KALRN: variants seen among roughly 807,000 people sequenced by gnomAD.
KALRN encodes kalirin RhoGEF kinase.
Under a neutral mutation model 353.7 loss-of-function variants are expected in KALRN, and 70 were observed. That is an observed-to-expected ratio of 0.20 (90% CI 0.16 to 0.24). KALRN has a LOEUF of 0.24. KALRN is among the 10% of genes least tolerant of loss of function. The probability of loss-of-function intolerance (pLI) is 1.00; values close to 1 mark genes in which losing one functional copy is unlikely to be tolerated. For missense variants in KALRN, 2,791 were observed against 3,756.7 expected (o/e 0.74, Z 6.72); for synonymous variants, 1,391 against 1,434.8 (o/e 0.97, Z 0.69).
intron 21 of KALRN, among the ~76,000 whole-genome samples, chr3:124,454,635 C>G (rs1485031308): frequency 6.6e-6 from 1 of 151,338 alleles, no homozygotes; most frequent in African/African-American, 2.4e-5. Flanking sequence ...CTACAGGTGT[C>G]GCATCCGTGG....
intron 15 of KALRN, among the ~76,000 whole-genome samples, chr3:124,425,959 C>A (rs2092996533): frequency 6.6e-6 from 1 of 152,076 alleles, no homozygotes; most frequent in African/African-American, 2.4e-5. Context: ...TGGGAAGATT[C>A]CTTATTTCTA....
intron 12 of KALRN, among the ~76,000 whole-genome samples, chr3:124,398,300 G>T (rs139566719): frequency 1.3e-5 from 2 of 152,126 alleles, no homozygotes; most frequent in Non-Finnish European, 2.9e-5. Flanking sequence ...TTGTCTGTAC[G>T]TATTGTGATA....
chr3:124,253,341 T>C (rs1373305595), intron 3 of KALRN, among the ~76,000 whole-genome samples: 3 of 152,232 alleles, frequency 2.0e-5, no homozygotes, highest in Non-Finnish European at 2.9e-5. Context: ...GTTTATGTAA[T>C]GATTTAGGGT....
chr3:124,278,661 C>A (rs1204733307), intron 5 of KALRN, among the ~76,000 whole-genome samples: 1 of 151,998 alleles, frequency 6.6e-6, no homozygotes, highest in Non-Finnish European at 1.5e-5. Context: ...AAAGTAAAAC[C>A]AATTTTACTT....
intron 1 of KALRN, among the ~76,000 whole-genome samples, chr3:124,036,631 G>C (rs1313488197): frequency 6.6e-6 from 1 of 152,046 alleles, no homozygotes; most frequent in Non-Finnish European, 1.5e-5. Flanking sequence ...ATACCTGATA[G>C]GCTGGATAGA....
intron 34 of KALRN, among the ~76,000 whole-genome samples, chr3:124,617,163 C>A (rs2078703924): frequency 6.6e-6 from 1 of 151,832 alleles, no homozygotes; most frequent in African/African-American, 2.4e-5. Flanking sequence ...GAAACCCTGT[C>A]TCTACAAAAA....
At chr3:124,303,618 A>T (rs2077439227) in intron 6 of KALRN, among the ~76,000 whole-genome samples, 1 of 152,214 alleles carries the variant, frequency 6.6e-6, no homozygotes, top group South Asian at 2.1e-4. Context: ...AATTTTAATT[A>T]GCTGGTTCTT....
intron 1 of KALRN, among the ~76,000 whole-genome samples, chr3:124,104,521 G>T (rs967058487): frequency 6.6e-6 from 1 of 152,210 alleles, no homozygotes; most frequent in African/African-American, 2.4e-5. Flanking sequence ...TAAGAGTTAA[G>T]GTTGGAGGGA....
At chr3:124,089,880 AC>A (rs1480455781) in intron 1 of KALRN, among the ~76,000 whole-genome samples, 1 of 152,118 alleles carries the variant, frequency 6.6e-6, no homozygotes, top group Non-Finnish European at 1.5e-5. Flanking sequence ...ACCACTGCTT[AC>A]CTAAGGCCTG....
At chr3:124,524,284 G>A (rs917283739) in intron 33 of KALRN, among the ~76,000 whole-genome samples, 5 of 152,134 alleles carry the variant, frequency 3.3e-5, no homozygotes, top group African/African-American at 1.2e-4. Context: ...ATACACCTGG[G>A]GAAGAGAAAA....
intron 56 of KALRN, among the ~76,000 whole-genome samples, chr3:124,700,379 T>C (rs201476422): frequency 6.6e-6 from 1 of 152,090 alleles, no homozygotes; most frequent in East Asian, 1.9e-4. Context: ...CAGCCGTAAA[T>C]GTACCTCCCT....
intron 29 of KALRN, 63 bp from the exon 30 acceptor site, chr3:124,490,631 G>T: frequency 6.7e-7 from 1 of 1,498,804 alleles, no homozygotes; most frequent in East Asian, 2.3e-5. Flanking sequence ...GAGGGGGGTG[G>T]AACATGGCCC....
chr3:124,624,768 A>G lies in KALRN; in HGVS notation c.5183-7652A>G, dbSNP rs2079741066. On this transcript the variant is annotated intron_variant, in intron 34 of 59. Transcript: ENST00000682506. ...AACTTCCAAATGGTGAGGGAGGGGG[A>G]AAATTGCCTGATAGCCAAAGGATGA... is the stretch of plus-strand genomic sequence containing the variant. 2.6e-5 allele frequency among the ~76,000 whole-genome samples: 4 copies of G among 152,316 alleles called. No homozygotes were observed. The South Asian group carries it at 6.2e-4, about 24-fold the overall frequency.
At chr3:124,502,265 G>T (rs1310195719) in intron 33 of KALRN, among the ~76,000 whole-genome samples, 2 of 152,220 alleles carry the variant, frequency 1.3e-5, no homozygotes, top group African/African-American at 4.8e-5. Context: ...CCTACGGGGG[G>T]AAAGAGGGAA....
chr3:124,563,741 T>G (rs555087216), intron 34 of KALRN, among the ~76,000 whole-genome samples: 1 of 152,198 alleles, frequency 6.6e-6, no homozygotes, highest in Non-Finnish European at 1.5e-5. Flanking sequence ...ACAGTGTTTC[T>G]TTAGGGGTGG....
At chr3:124,550,269 G>A (rs1561270732) in intron 33 of KALRN, among the ~76,000 whole-genome samples, 1 of 152,164 alleles carries the variant, frequency 6.6e-6, no homozygotes, top group African/African-American at 2.4e-5. Flanking sequence ...GTTCATCTGG[G>A]CTGAGCTATA....
At chr3:124,204,869 CTTTCCAAATTA>C (rs1467973245) in intron 1 of KALRN, among the ~76,000 whole-genome samples, 1 of 152,204 alleles carries the variant, frequency 6.6e-6, no homozygotes, top group African/African-American at 2.4e-5. Flanking sequence ...CTAGTATTTT[CTTTCCAAATTA>C]TTTCTTATCA....
In KALRN at chr3:124,697,640, AC is replaced by A; in HGVS notation, c.7749del (p.Ser2584ProfsTer2). On this transcript the variant is annotated frameshift_variant, in exon 55 of 60. Transcript: ENST00000682506. LOFTEE classifies it high-confidence loss of function. Reference protein sequence around the residue: ...NRPIAQERSCTSVILRWLPPS... With the variant: ...NRPIAQERSCXSVILRWLPPS... ...CCCCATTGCCCAGGAGAGAAGCTGC[AC>A]CTCCGTGATTCTCCGCTGGCTGCCC... 1 of 1,611,558 alleles carries A rather than the reference AC, an allele frequency of 6.2e-7. No homozygotes were observed. The highest frequency in any genetic ancestry group is 8.5e-7 in the Non-Finnish European group (1 of 1,178,980).
chr3:124,106,904 C>G (rs2062367935), intron 1 of KALRN, among the ~76,000 whole-genome samples: 1 of 152,114 alleles, frequency 6.6e-6, no homozygotes, highest in Non-Finnish European at 1.5e-5. Flanking sequence ...GGTTTGGGTT[C>G]AGCTTTTAAA....
Sources: gnomAD v4.1 joint callset for allele counts (sites outside exome capture counted in the v4.1 genomes callset) on GRCh38, gnomAD v4.1.1 for gene constraint, MANE v1.5 for transcripts, NCBI Gene and HGNC (gene_info 2026-07-23, HGNC 2026-07-21) for gene names.